The following CTNNA3 variants were observed in gnomAD, a reference collection of about 807,000 sequenced individuals.
CTNNA3 encodes the protein catenin alpha 3.
In CTNNA3, 76 loss-of-function variants were observed where a neutral mutation model predicts 95.7. The observed-to-expected ratio is 0.79, with a 90% CI of 0.66 to 0.96. The LOEUF (loss-of-function observed/expected upper bound fraction) is 0.96. CTNNA3 is among the 40% of genes least tolerant of loss of function. The probability of loss-of-function intolerance (pLI) is 0.00; values close to 1 mark genes in which losing one functional copy is unlikely to be tolerated. For missense variants in CTNNA3, 1,191 were observed against 1,089.8 expected, an observed-to-expected ratio of 1.09 and a Z score of -1.31; for synonymous variants, 431 against 374.4, an observed-to-expected ratio of 1.15 and a Z score of -1.74.
intron 3 of CTNNA3, among the ~76,000 whole-genome samples, chr10:67,555,599 G>A (rs950025614): frequency 1.3e-5 from 2 of 152,146 alleles, no homozygotes; most frequent in Non-Finnish European, 2.9e-5. Context: ...TTTGTACATT[G>A]ATTTTGTATC....
intron 11 of CTNNA3, among the ~76,000 whole-genome samples, chr10:66,426,220 C>T (rs531493770): frequency 6.6e-6 from 1 of 152,124 alleles, no homozygotes; most frequent in East Asian, 1.9e-4. Flanking sequence ...TTTTGGTGCA[C>T]ATATATGCTT....
At chr10:67,744,090 T>C (rs931968020) in intron 1 of CTNNA3, among the ~76,000 whole-genome samples, 12 of 151,274 alleles carry the variant, frequency 7.9e-5, no homozygotes, top group Non-Finnish European at 1.3e-4. Flanking sequence ...AGGTAATTTA[T>C]AGATTCAATG....
At chr10:66,424,923 C>T (rs1002982917) in intron 11 of CTNNA3, among the ~76,000 whole-genome samples, 6 of 151,954 alleles carry the variant, frequency 3.9e-5, no homozygotes, top group African/African-American at 1.4e-4. Flanking sequence ...CAAGACCAGC[C>T]TGTGCAACAA....
chr10:65,955,009 C>T (rs565997533), intron 17 of CTNNA3, among the ~76,000 whole-genome samples: 1 of 152,268 alleles, frequency 6.6e-6, no homozygotes, highest in South Asian at 2.1e-4. Context: ...TTGATTCTTC[C>T]TATCCATGAG....
chr10:67,562,548 C>A (rs1193988255), intron 3 of CTNNA3, among the ~76,000 whole-genome samples: 17 of 152,090 alleles, frequency 1.1e-4, no homozygotes, highest in African/African-American at 2.2e-4. Flanking sequence ...AATGGGCAAA[C>A]ACTGGAAGCA....
rs190161067 is a variant in CTNNA3, at chr10:66,596,886, A to T, written c.1374+24806T>A. ...ACAAAGAATTCAAAATAATTGTTTT[A>T]AAAAAGCACAGTGAACCACCAGAGA... On this transcript the variant is annotated intron_variant, in intron 10 of 17. Coordinates refer to ENST00000433211, the MANE Select transcript of CTNNA3 (RefSeq NM_013266.4). Among the ~76,000 whole-genome samples the T allele has an allele frequency of 1.7e-3, 254 of 152,276 alleles. 2 individuals carry two copies. The highest frequency in any genetic ancestry group is 5.5e-3 in the African/African-American group (228 of 41,568).
At chr10:66,228,543 G>A (rs186942209) in intron 13 of CTNNA3, among the ~76,000 whole-genome samples, 3 of 152,000 alleles carry the variant, frequency 2.0e-5, no homozygotes, top group Non-Finnish European at 2.9e-5. Flanking sequence ...ACATGACTTC[G>A]ATTATTTTTA....
At chr10:66,222,925 A>T (rs2089049051) in intron 13 of CTNNA3, among the ~76,000 whole-genome samples, 1 of 152,104 alleles carries the variant, frequency 6.6e-6, no homozygotes, top group South Asian at 2.1e-4. Flanking sequence ...CTTGTTTTTT[A>T]AAGTTGCTTT....
intron 9 of CTNNA3, among the ~76,000 whole-genome samples, chr10:66,712,606 T>TCACACCCACACACACACACACACACA (rs879288075): frequency 6.7e-6 from 1 of 149,264 alleles, no homozygotes; most frequent in East Asian, 2.0e-4. Flanking sequence ...TCTCTCTCTC[T>TCACACCCACACACACACACACACACA]CTCACACACA....
At chr10:66,327,664 G>A (rs1038537200) in intron 12 of CTNNA3, among the ~76,000 whole-genome samples, 7 of 151,772 alleles carry the variant, frequency 4.6e-5, no homozygotes, top group African/African-American at 9.7e-5. Context: ...AAATCTTCAA[G>A]TGCAATTCTT....
intron 14 of CTNNA3, among the ~76,000 whole-genome samples, chr10:66,088,485 T>TTGTG (rs3074377): frequency 0.034 from 4,709 of 139,592 alleles, 129 homozygotes; most frequent in African/African-American, 0.073. Context: ...GGTAGGTGTT[T>TTGTG]TGTGTGTGTG....
chr10:66,300,040 C>T (rs2091838708), intron 12 of CTNNA3, among the ~76,000 whole-genome samples: 1 of 151,680 alleles, frequency 6.6e-6, no homozygotes, highest in Non-Finnish European at 1.5e-5. Flanking sequence ...CTACAGGTGC[C>T]TGCCACCATG....
chr10:66,039,955 T>G (rs1438884603), intron 15 of CTNNA3, among the ~76,000 whole-genome samples: 2 of 151,852 alleles, frequency 1.3e-5, no homozygotes, highest in Non-Finnish European at 2.9e-5. Flanking sequence ...GGGAGAAAAT[T>G]TTTCCAAACT....
At chr10:66,779,767 A>G (rs369195629) in intron 7 of CTNNA3, among the ~76,000 whole-genome samples, 9 of 152,318 alleles carry the variant, frequency 5.9e-5, no homozygotes, top group African/African-American at 2.2e-4. Context: ...ATACTTTCTT[A>G]TAGTTCTTAT....
rs1468011993 is a variant in CTNNA3, at chr10:66,789,159, A to AT, written c.1048-13636_1048-13635insA. ...TTTGCTCTATTTATCTGCTTACTAA[A>AT]CCTTTTTTTTGTTTATTTGTTTGTT... On this transcript the variant is annotated intron_variant, in intron 7 of 17. Coordinates refer to ENST00000433211, the MANE Select transcript of CTNNA3 (RefSeq NM_013266.4). 1.3e-3 allele frequency among the ~76,000 whole-genome samples: 181 copies of AT among 139,694 alleles called. 2 individuals carry two copies. The highest frequency in any genetic ancestry group is 0.011 in the Middle Eastern group (3 of 270). 91.6% of individuals were successfully genotyped at this position (139,694 alleles called of 152,430 possible).
At chr10:66,183,586 T>C (rs1001574216) in intron 13 of CTNNA3, among the ~76,000 whole-genome samples, 3 of 152,196 alleles carry the variant, frequency 2.0e-5, no homozygotes, top group African/African-American at 4.8e-5. Context: ...GGGCATTGGG[T>C]TGGGGTTAAC....
chr10:67,192,568 C>A (rs1863165955), intron 6 of CTNNA3, among the ~76,000 whole-genome samples: 1 of 151,770 alleles, frequency 6.6e-6, no homozygotes, highest in Non-Finnish European at 1.5e-5. Flanking sequence ...TTACCTCACA[C>A]CTGTTAGGAT....
intron 11 of CTNNA3, among the ~76,000 whole-genome samples, chr10:66,498,522 G>C (rs964774154): frequency 6.6e-6 from 1 of 152,086 alleles, no homozygotes; most frequent in Middle Eastern, 3.2e-3. Flanking sequence ...ATGTTTGAAA[G>C]ACATATAAAT....
chr10:67,332,063 A>G (rs1299494867), intron 5 of CTNNA3, among the ~76,000 whole-genome samples: 1 of 152,228 alleles, frequency 6.6e-6, no homozygotes, highest in Non-Finnish European at 1.5e-5. Context: ...AAACCTAATT[A>G]CTTATAGGAA....
Sources: gnomAD v4.1 joint callset for allele counts (sites outside exome capture counted in the v4.1 genomes callset) on GRCh38, gnomAD v4.1.1 for gene constraint, MANE v1.5 for transcripts, NCBI Gene and HGNC (gene_info 2026-07-23, HGNC 2026-07-21) for gene names.